TRIP11: variants seen among roughly 807,000 people sequenced by gnomAD.
TRIP11 encodes the protein thyroid hormone receptor interactor 11.
Under a neutral mutation model 223.1 loss-of-function variants are expected in TRIP11, and 148 were observed. That is an observed-to-expected ratio of 0.66 (90% CI 0.58 to 0.76). The LOEUF is 0.76. Ranked by LOEUF, TRIP11 falls within the 30% of genes least tolerant of loss-of-function variation. The pLI is 0.00. For missense variants in TRIP11, 2,043 were observed against 2,222.0 expected (o/e 0.92, Z 1.62); for synonymous variants, 762 against 772.6 (o/e 0.99, Z 0.23).
chr14:92,032,605 C>A (rs59344331), intron 2 of TRIP11, among the ~76,000 whole-genome samples: 1 of 151,898 alleles, frequency 6.6e-6, no homozygotes, highest in Admixed American at 6.6e-5. Context: ...GAGGCTAAGG[C>A]GGGTGAATCA....
intron 17 of TRIP11, 55 bp downstream of exon 17, chr14:91,976,053 T>TA (rs2056460018): frequency 2.6e-6 from 4 of 1,539,302 alleles, no homozygotes; most frequent in Non-Finnish European, 2.7e-6. Context: ...AGTTTTTTTT[T>TA]AACCATAAAA....
intron 10 of TRIP11, 80 bp from the exon 11 acceptor site, chr14:92,006,528 A>C: frequency 7.4e-7 from 1 of 1,359,668 alleles, no homozygotes; most frequent in Non-Finnish European, 1.0e-6. Flanking sequence ...AATCTCATAC[A>C]TAATAGAAAA....
At chr14:92,038,968 G>A (rs1201079774) in intron 1 of TRIP11, among the ~76,000 whole-genome samples, 1 of 152,114 alleles carries the variant, frequency 6.6e-6, no homozygotes, top group African/African-American at 2.4e-5. Context: ...GTCGAAATAT[G>A]GGCGAAATGG....
At chr14:91,973,095 G>A (rs1350878307) in intron 19 of TRIP11, among the ~76,000 whole-genome samples, 2 of 146,614 alleles carry the variant, frequency 1.4e-5, no homozygotes, top group Non-Finnish European at 1.5e-5. Flanking sequence ...GCACTATCTC[G>A]GCTCACTGCA....
chr14:91,999,172 A>C (rs1260809387), intron 13 of TRIP11, 68 bp downstream of exon 13: 5 of 1,531,734 alleles, frequency 3.3e-6, no homozygotes, highest in Non-Finnish European at 4.5e-6. Context: ...ACATACAAAA[A>C]ATACTTACTG....
chr14:92,034,400 G>T lies in TRIP11; in HGVS notation c.140-1147C>A, dbSNP rs1378875067. Among the ~76,000 whole-genome samples, 4 of 147,664 alleles carry T rather than the reference G, an allele frequency of 2.7e-5. No homozygotes were observed. In the East Asian group the frequency reaches 6.0e-4, roughly 22 times the overall value. ...ACTGTGCTACTGCACTCCAGCCTGG[G>T]TTACAGAGTGAGACTCTTGTCTCCA... On this transcript the variant is annotated intron_variant, in intron 1 of 20. Coordinates refer to ENST00000267622, the MANE Select transcript of TRIP11 (RefSeq NM_004239.4).
At chr14:91,993,470 C>T (rs771185994) in intron 15 of TRIP11, among the ~76,000 whole-genome samples, 58 of 110,536 alleles carry the variant, frequency 5.2e-4, no homozygotes, top group African/African-American at 2.0e-3. Context: ...GAGTGAAACT[C>T]GGTCTCAAAA....
chr14:92,006,913 C>G (rs956755374), intron 10 of TRIP11, among the ~76,000 whole-genome samples: 2 of 152,186 alleles, frequency 1.3e-5, no homozygotes, highest in African/African-American at 2.4e-5. Context: ...GGTGATCTGC[C>G]TGCCTCAGCC....
chr14:91,986,455 T>C (rs2056605414), intron 16 of TRIP11, among the ~76,000 whole-genome samples: 1 of 152,158 alleles, frequency 6.6e-6, no homozygotes, highest in African/African-American at 2.4e-5. Context: ...CATGTCACCT[T>C]TCAAAAAGTT....
intron 19 of TRIP11, among the ~76,000 whole-genome samples, chr14:91,974,088 A>G (rs1311377012): frequency 1.3e-5 from 2 of 152,118 alleles, no homozygotes; most frequent in African/African-American, 4.8e-5. Context: ...TGATACTACT[A>G]CTCAATTCAA....
chr14:92,016,988 G>A (rs980865529), intron 5 of TRIP11, among the ~76,000 whole-genome samples: 2 of 152,164 alleles, frequency 1.3e-5, no homozygotes, highest in East Asian at 1.9e-4. Flanking sequence ...ACAAACTAGC[G>A]AAATTCTACC....
rs2056873861 is a variant in TRIP11 at position 92,004,626 on chromosome 14, G to A, written c.3350C>T (p.Thr1117Ile). The A allele has an allele frequency of 1.9e-6, 3 of 1,614,074 alleles. No homozygotes were observed. Among genetic ancestry groups the A allele is most frequent in the Non-Finnish European group, 2.5e-6 (3 of 1,180,004 alleles). The change falls in exon 11 of 21, where the codon ACA (threonine) becomes ATA (isoleucine). Residue 1117 changes from threonine to isoleucine, a missense_variant. By Grantham distance (89) the Thr-to-Ile change is moderately conservative (BLOSUM62 -1). Coordinates refer to ENST00000267622, the MANE Select transcript of TRIP11 (RefSeq NM_004239.4). ...AATATCCATCATTTTGTGATATTCT[G>A]TTTTTAGATGGCTATTTTCCCTAGT... is the stretch of plus-strand genomic sequence containing the variant. ...EKTRENSHLK[T>I]EYHKMMDIVA...
chr14:92,038,622 T>A (rs945968296), intron 1 of TRIP11, among the ~76,000 whole-genome samples: 3 of 143,834 alleles, frequency 2.1e-5, no homozygotes, highest in Non-Finnish European at 3.1e-5. Flanking sequence ...TCTGTTAAAT[T>A]AGCAATTAAA....
intron 15 of TRIP11, among the ~76,000 whole-genome samples, 196 bp downstream of exon 15, chr14:91,993,613 C>A (rs1252213214): frequency 6.6e-6 from 1 of 151,474 alleles, no homozygotes. Flanking sequence ...CTTACATTTG[C>A]CGTGTCTACT....
Position 92,004,076 on chromosome 14 carries a change from A to T in TRIP11, c.3900T>A (p.Asn1300Lys), listed in dbSNP as rs759781530. Residue 1300 changes from asparagine to lysine, a missense_variant, in exon 11 of 21, where the codon AAT becomes AAA. Coordinates refer to ENST00000267622, the MANE Select transcript of TRIP11 (RefSeq NM_004239.4). ...QVQHSIGQLC[N>K]TKDLLLGKLD... ...GTTTTCCTAAAAGAAGATCCTTGGTATTGCAAAGCTGCCCAATGCTGTGCT... is the reference window on the plus strand; with the variant it reads ...GTTTTCCTAAAAGAAGATCCTTGGTTTTGCAAAGCTGCCCAATGCTGTGCT... 2 of 1,614,088 alleles carry T rather than the reference A, an allele frequency of 1.2e-6. No individual in the cohort carries two copies. The highest frequency in any genetic ancestry group is 3.3e-5 in the Admixed American group (2 of 60,006).
Position 91,972,536 on chromosome 14 carries a change from G to A in TRIP11, c.5719+181C>T, listed in dbSNP as rs79221040. Among the ~76,000 whole-genome samples the A allele has an allele frequency of 0.019, 2,824 of 152,232 alleles. 53 individuals are homozygous for A. The highest frequency in any genetic ancestry group is 0.082 in the South Asian group (397 of 4,826). ...TCAATTAAATATCAGATTGCTACAA[G>A]AATATATGAAGCAAAAGCCTGATGC... On this transcript the variant is annotated intron_variant, in intron 20 of 20. Transcript: ENST00000267622.
At chr14:91,981,367 C>T (rs1183017134) in intron 16 of TRIP11, among the ~76,000 whole-genome samples, 2 of 149,420 alleles carry the variant, frequency 1.3e-5, no homozygotes, top group African/African-American at 5.1e-5. Context: ...TGAGGTTAAG[C>T]TTTACAAGCA....
At chr14:92,021,474 CA>C in intron 4 of TRIP11, 81 bp downstream of exon 4, 1 of 1,400,536 alleles carries the variant, frequency 7.1e-7, no homozygotes. Context: ...TTTCTGATAT[CA>C]AAAGCTCTAC....
chr14:92,027,342 A>G (rs542519093), intron 2 of TRIP11, among the ~76,000 whole-genome samples: 25 of 152,138 alleles, frequency 1.6e-4, no homozygotes, highest in African/African-American at 5.8e-4. Flanking sequence ...CAGAAAAACA[A>G]TCTTATTCCG....
Sources: allele counts gnomAD v4.1 joint callset (sites outside exome capture counted in the v4.1 genomes callset), GRCh38; gene constraint gnomAD v4.1.1; transcripts MANE v1.5; gene names NCBI Gene and HGNC (gene_info 2026-07-23, HGNC 2026-07-21).